The following CNTN6 variants were observed in gnomAD, a reference collection of about 807,000 sequenced individuals.
The protein encoded by CNTN6 is contactin 6, also known as contactin-6.
Under a neutral mutation model 122.8 loss-of-function variants are expected in CNTN6, and 137 were observed. The observed-to-expected ratio is 1.12, with a 90% CI of 0.97 to 1.29. The LOEUF (loss-of-function observed/expected upper bound fraction) is 1.29. Ranked by LOEUF, CNTN6 falls within the 50% of genes most tolerant of loss-of-function variation. CNTN6 has a pLI of 0.00. For synonymous variants in CNTN6, 570 were observed against 426.0 expected, an observed-to-expected ratio of 1.34 and a Z score of -4.16; for missense variants, 1,634 against 1,223.4, an observed-to-expected ratio of 1.34 and a Z score of -5.01.
chr3:1,226,091 C>A (rs991988131), intron 3 of CNTN6, among the ~76,000 whole-genome samples: 2 of 152,102 alleles, frequency 1.3e-5, no homozygotes, highest in Non-Finnish European at 2.9e-5. Context: ...GTTGCCCAGG[C>A]TCGTCTCAAA....
At chr3:1,118,563 T>C (rs1485869441) in intron 1 of CNTN6, among the ~76,000 whole-genome samples, 1 of 152,168 alleles carries the variant, frequency 6.6e-6, no homozygotes, top group Admixed American at 6.6e-5. Context: ...TTATTATTCT[T>C]GTCTCTTGAG....
At chr3:1,339,567 G>T (rs756504004) in intron 11 of CNTN6, among the ~76,000 whole-genome samples, 2 of 152,110 alleles carry the variant, frequency 1.3e-5, no homozygotes, top group Non-Finnish European at 2.9e-5. Context: ...GTCTAGAAAG[G>T]TTTCAACAGG....
At chr3:1,382,307 A>G (rs1692018099) in intron 17 of CNTN6, among the ~76,000 whole-genome samples, 1 of 152,136 alleles carries the variant, frequency 6.6e-6, no homozygotes, top group African/African-American at 2.4e-5. Flanking sequence ...CTATTTTGCT[A>G]TTTTAGTAAT....
chr3:1,319,124 G>A (rs1036036423), intron 7 of CNTN6, among the ~76,000 whole-genome samples: 2 of 151,586 alleles, frequency 1.3e-5, no homozygotes, highest in African/African-American at 4.8e-5. Flanking sequence ...TTAAAATGGA[G>A]ATCCACTTTT....
chr3:1,208,492 T>C (rs2093988138), intron 2 of CNTN6, among the ~76,000 whole-genome samples: 1 of 152,150 alleles, frequency 6.6e-6, no homozygotes, highest in Non-Finnish European at 1.5e-5. Context: ...CTAGGTAGAA[T>C]TAATTGCTTC....
intron 1 of CNTN6, among the ~76,000 whole-genome samples, chr3:1,136,540 T>C (rs772757306): frequency 2.0e-5 from 3 of 152,194 alleles, no homozygotes; most frequent in African/African-American, 4.8e-5. Context: ...TATTTAGCCT[T>C]GCATTTTGCA....
intron 2 of CNTN6, among the ~76,000 whole-genome samples, chr3:1,193,942 T>G (rs887572922): frequency 1.6e-4 from 25 of 152,294 alleles, no homozygotes; most frequent in African/African-American, 5.3e-4. Context: ...TTTTCTTGTA[T>G]GTAGGAAATG....
intron 2 of CNTN6, among the ~76,000 whole-genome samples, chr3:1,166,671 G>T (rs962546029): frequency 1.3e-5 from 2 of 152,050 alleles, no homozygotes; most frequent in Non-Finnish European, 2.9e-5. Context: ...AGACACCTGT[G>T]GCACATATAC....
At chr3:1,114,828 G>A (rs2091643337) in intron 1 of CNTN6, among the ~76,000 whole-genome samples, 1 of 152,034 alleles carries the variant, frequency 6.6e-6, no homozygotes, top group Non-Finnish European at 1.5e-5. Flanking sequence ...AAACATAGGA[G>A]AAAAAAGTCA....
intron 5 of CNTN6, among the ~76,000 whole-genome samples, chr3:1,290,743 G>C (rs1695188272): frequency 6.6e-6 from 1 of 152,084 alleles, no homozygotes; most frequent in Non-Finnish European, 1.5e-5. Flanking sequence ...ATACCTCCTG[G>C]TTTTAGACCA....
chr3:1,196,267 T>C (rs1426895928), intron 2 of CNTN6, among the ~76,000 whole-genome samples: 4 of 152,178 alleles, frequency 2.6e-5, no homozygotes, highest in Non-Finnish European at 5.9e-5. Flanking sequence ...TGAAATATGG[T>C]GCAGAAAACC....
chr3:1,379,556 C>T (rs982097459), intron 17 of CNTN6, among the ~76,000 whole-genome samples: 1 of 151,990 alleles, frequency 6.6e-6, no homozygotes, highest in South Asian at 2.1e-4. Flanking sequence ...TGCACATGTA[C>T]CCCCGAATCT....
intron 2 of CNTN6, among the ~76,000 whole-genome samples, chr3:1,194,658 T>C (rs912370157): frequency 2.0e-5 from 3 of 152,156 alleles, no homozygotes; most frequent in African/African-American, 7.2e-5. Flanking sequence ...GAAATTTTGA[T>C]ACTGCATTTG....
intron 4 of CNTN6, among the ~76,000 whole-genome samples, chr3:1,229,831 G>C (rs1404850879): frequency 6.6e-6 from 1 of 152,126 alleles, no homozygotes; most frequent in Non-Finnish European, 1.5e-5. Context: ...GTGTATGACT[G>C]TTGATCTTGA....
At chr3:1,315,579 T>C in intron 7 of CNTN6, among the ~76,000 whole-genome samples, 1 of 152,024 alleles carries the variant, frequency 6.6e-6, no homozygotes, top group Non-Finnish European at 1.5e-5. Context: ...CAATGCCTGG[T>C]ACATAGTAAG....
intron 2 of CNTN6, among the ~76,000 whole-genome samples, chr3:1,203,308 G>A (rs2093911094): frequency 6.6e-6 from 1 of 152,184 alleles, no homozygotes; most frequent in Non-Finnish European, 1.5e-5. Context: ...GAGCAGATTT[G>A]CCCTTGGCTG....
chr3:1,271,995 C>G (rs537417744), intron 4 of CNTN6, among the ~76,000 whole-genome samples: 12 of 152,254 alleles, frequency 7.9e-5, no homozygotes, highest in African/African-American at 2.2e-4. Context: ...GTAATTGAAT[C>G]ATGGGGGCAG....
At chr3:1,401,745 CATCAATAAAT>C (rs896279330) in intron 21 of CNTN6, among the ~76,000 whole-genome samples, 200 bp downstream of exon 21, 12 of 152,006 alleles carry the variant, frequency 7.9e-5, no homozygotes, top group African/African-American at 2.9e-4. Context: ...TATTAGGGAA[CATCAATAAAT>C]CAAATTCCAT....
chr3:1,128,778 A>T lies in CNTN6; in HGVS notation c.-82-19149A>T, dbSNP rs79256339. On this transcript the variant is annotated intron_variant, in intron 1 of 22. Coordinates refer to ENST00000446702, the MANE Select transcript of CNTN6 (RefSeq NM_001289080.2). Reference sequence around the variant, plus strand: ...TTAGCTGTTTGTTTCTAAAGTTTTTAAAAAAATGACATTAGAACTTCCAAT... The same window carrying T: ...TTAGCTGTTTGTTTCTAAAGTTTTTTAAAAAATGACATTAGAACTTCCAAT... Among the ~76,000 whole-genome samples, 487 of 141,688 alleles carry T rather than the reference A, an allele frequency of 3.4e-3. 3 individuals carry two copies. The highest frequency in any genetic ancestry group is 0.011 in the African/African-American group (419 of 38,632). 93.0% of individuals were successfully genotyped at this position (141,688 alleles called of 152,430 possible).
Sources: allele counts gnomAD v4.1 joint callset (sites outside exome capture counted in the v4.1 genomes callset), GRCh38; gene constraint gnomAD v4.1.1; transcripts MANE v1.5; gene names NCBI Gene and HGNC (gene_info 2026-07-23, HGNC 2026-07-21).